The following RNF220 variants were observed in gnomAD, a reference collection of about 807,000 sequenced individuals.
RNF220 encodes the protein E3 ubiquitin-protein ligase RNF220.
Under a neutral mutation model 67.1 loss-of-function variants are expected in RNF220, and 7 were observed. That is an observed-to-expected ratio of 0.10 (90% CI 0.06 to 0.20). The LOEUF is 0.20. Among genes scored for constraint, RNF220 ranks in the 10% least tolerant of loss-of-function variants. RNF220 has a pLI of 1.00. For synonymous variants in RNF220, 270 were observed against 283.2 expected (o/e 0.95, Z 0.47); for missense variants, 565 against 740.3 (o/e 0.76, Z 2.75).
In RNF220 at chr1:44,636,053, G is replaced by A. The variant is rs1475892272; in HGVS notation, c.1017G>A (p.Glu339=). ...AGAGGGAAGGCTCCTGCATGGCTGA[G>A]GATGATGCTGTGGACATCGAGCATG... ...EGQREGSCMA[E]DDAVDIEHEN... The change falls in exon 8 of 15, where the codon GAG becomes GAA. Residue 339 remains glutamate, a synonymous_variant. Transcript: ENST00000361799. 2 of 1,614,260 alleles carry A rather than the reference G, an allele frequency of 1.2e-6. No individual in the cohort carries two copies. Among genetic ancestry groups the A allele is most frequent in the Admixed American group, 3.3e-5 (2 of 60,034 alleles).
Position 44,645,631 on chromosome 1 carries a change from T to A in RNF220, c.1445+143T>A. 1.3e-6 allele frequency: 1 copy of A among 763,854 alleles called. No individual in the cohort carries two copies. Among genetic ancestry groups the A allele is most frequent in the Non-Finnish European group, 2.2e-6 (1 of 461,190 alleles). 47.3% of individuals were successfully genotyped at this position (763,854 alleles called of 1,614,324 possible). A position where few individuals can be genotyped will look rare whatever the true frequency, so the allele number is the denominator to read the frequency against. Reference sequence around the variant, plus strand: ...GCTGCCCTGGGCACACGGCCGGCAGTGGAGCCCAGCTGGTGCTAAGCGTGA... The same window carrying A: ...GCTGCCCTGGGCACACGGCCGGCAGAGGAGCCCAGCTGGTGCTAAGCGTGA... On this transcript the variant is annotated intron_variant, in intron 12 of 14. Transcript: ENST00000361799. The surrounding 1 kb of genome is among the most constrained non-coding windows in gnomAD (Gnocchi z 5.0).
At chr1:44,496,264 G>C (rs536886618) in intron 2 of RNF220, among the ~76,000 whole-genome samples, 4 of 152,188 alleles carry the variant, frequency 2.6e-5, no homozygotes, top group South Asian at 4.1e-4. Flanking sequence ...AAATCCCAGT[G>C]AAGCTGGGGA....
At chr1:44,570,844 C>T (rs922390003) in intron 2 of RNF220, among the ~76,000 whole-genome samples, 4 of 152,114 alleles carry the variant, frequency 2.6e-5, no homozygotes, top group African/African-American at 7.2e-5. Context: ...AAGGTCAAGG[C>T]GGGTAGGTCA....
At chr1:44,434,790 A>G (rs1650785225) in intron 2 of RNF220, among the ~76,000 whole-genome samples, 2 of 151,300 alleles carry the variant, frequency 1.3e-5, no homozygotes, top group African/African-American at 4.9e-5. Context: ...GTAACAGAAG[A>G]CTTGTGAAAA....
At chr1:44,490,932 G>A (rs1311938343) in intron 2 of RNF220, among the ~76,000 whole-genome samples, 1 of 152,058 alleles carries the variant, frequency 6.6e-6, no homozygotes, top group Admixed American at 6.6e-5. Context: ...AATAAAAAAA[G>A]CATTATAAGA....
At chr1:44,557,164 C>T (rs1407208642) in intron 2 of RNF220, among the ~76,000 whole-genome samples, 1 of 143,988 alleles carries the variant, frequency 6.9e-6, no homozygotes, top group Non-Finnish European at 1.5e-5. Flanking sequence ...AATATATATA[C>T]ATATGTATAT....
chr1:44,622,798 AATTAC>A lies in RNF220; in HGVS notation c.804+14_804+18del, dbSNP rs750856737. The A allele has an allele frequency of 1.2e-6, 2 of 1,613,292 alleles. No homozygotes were observed. The highest frequency in any genetic ancestry group is 1.7e-5 in the Admixed American group (1 of 59,972). The stretch of plus-strand genomic sequence containing the variant: ...CCAGGCACCCCAAAGGTAGGTGGCC[AATTAC>A]ATGTTTTCCTCCTGCCCATACTAAC... On this transcript the variant is annotated intron_variant, in intron 4 of 14. Transcript: ENST00000361799. This position sits in a 1 kb window ranked among gnomAD's most constrained non-coding sequence, Gnocchi z 4.3.
intron 2 of RNF220, among the ~76,000 whole-genome samples, chr1:44,418,185 C>T (rs375268997): frequency 6.6e-6 from 1 of 151,862 alleles, no homozygotes; most frequent in African/African-American, 2.4e-5. Flanking sequence ...AGTGGGTGCA[C>T]GGGGCGTGAG....
Position 44,472,799 on chromosome 1 carries a change from A to G in RNF220, c.625+60077A>G, listed in dbSNP as rs147015644. On this transcript the variant is annotated intron_variant, in intron 2 of 14. Coordinates refer to ENST00000361799, the MANE Select transcript of RNF220 (RefSeq NM_018150.4). ...TTTTTTGTCAAACTAGTCTGCAACAATAGAGGATGTCAACCAAAGTTAAGG... is the reference window on the plus strand; with the variant it reads ...TTTTTTGTCAAACTAGTCTGCAACAGTAGAGGATGTCAACCAAAGTTAAGG... Among the ~76,000 whole-genome samples the G allele has an allele frequency of 4.1e-3, 630 of 152,290 alleles. 9 individuals carry two copies. Among genetic ancestry groups the G allele is most frequent in the African/African-American group, 0.014 (602 of 41,532 alleles).
At chr1:44,476,977 A>C (rs1439059852) in intron 2 of RNF220, among the ~76,000 whole-genome samples, 1 of 152,210 alleles carries the variant, frequency 6.6e-6, no homozygotes, top group Admixed American at 6.5e-5. Context: ...GTTTTGGCCA[A>C]ATTGGTTGGT....
rs539612817 is a variant in RNF220 at position 44,412,320 on chromosome 1, C to T, written c.223C>T (p.Arg75Trp). 4.3e-6 allele frequency: 7 copies of T among 1,614,194 alleles called. No homozygotes were observed. Among genetic ancestry groups the T allele is most frequent in the Non-Finnish European group, 5.1e-6 (6 of 1,180,022 alleles). The change falls in exon 2 of 15, where the codon CGG becomes TGG. Residue 75 changes from arginine (R) to tryptophan (W), a missense_variant. Transcript: ENST00000361799. The surrounding 1 kb of genome is among the most constrained non-coding windows in gnomAD (Gnocchi z 5.3). ...CTATACCTTTGCCTCTATGTACCAT[C>T]GGCAAGGTGGGGTGCCAGGCACTTT... ...GSYTFASMYHRQGGVPGTFAN... is the reference protein window; with the variant it reads ...GSYTFASMYHWQGGVPGTFAN...
At chr1:44,526,192 G>T (rs953158207) in intron 2 of RNF220, among the ~76,000 whole-genome samples, 1 of 152,166 alleles carries the variant, frequency 6.6e-6, no homozygotes, top group Non-Finnish European at 1.5e-5. Context: ...GGGGAGAAAA[G>T]CGCATAACCA....
intron 2 of RNF220, among the ~76,000 whole-genome samples, chr1:44,540,356 GA>G (rs569931521): frequency 4.6e-5 from 7 of 151,522 alleles, no homozygotes; most frequent in Non-Finnish European, 8.8e-5. Context: ...AAGGAAGAGA[GA>G]AAAAAAAATC....
chr1:44,613,713 CA>C (rs1557438374), intron 2 of RNF220, among the ~76,000 whole-genome samples: 1 of 152,042 alleles, frequency 6.6e-6, no homozygotes, highest in East Asian at 1.9e-4. Context: ...CCCATCTCTA[CA>C]AAAAATACAA....
In RNF220 at chr1:44,636,168, A is replaced by G. The variant is rs1381340141; in HGVS notation, c.1126+6A>G. 6.3e-7 allele frequency: 1 copy of G among 1,596,792 alleles called. No individual in the cohort carries two copies. Among genetic ancestry groups the G allele is most frequent in the Non-Finnish European group, 8.6e-7 (1 of 1,168,194 alleles). On this transcript the variant is annotated splice_donor_region_variant and intron_variant, in intron 8 of 14. Transcript: ENST00000361799. ...CCTGGAAGGTGGCTTCCGAGGTACA[A>G]GCAGCTGACACGTAGACATTGGCAC... is the stretch of plus-strand genomic sequence containing the variant.
At chr1:44,519,849 C>T (rs1015001617) in intron 2 of RNF220, among the ~76,000 whole-genome samples, 1 of 152,034 alleles carries the variant, frequency 6.6e-6, no homozygotes, top group Non-Finnish European at 1.5e-5. Context: ...TTGTTAAGAG[C>T]CTTGTCTGCC....
In RNF220 at chr1:44,622,317, G is replaced by T. The variant is rs555302650; in HGVS notation, c.759-425G>T. Among the ~76,000 whole-genome samples the T allele has an allele frequency of 7.9e-5, 12 of 152,348 alleles. No individual in the cohort carries two copies. In the East Asian group the frequency reaches 1.9e-3, roughly 24 times the overall value. ...CCTGGCCTAACACAGTTTGCAGCAT[G>T]TTGGAGGGAGAATTGACAAGAGCCC... is the stretch of plus-strand genomic sequence containing the variant. On this transcript the variant is annotated intron_variant, in intron 3 of 14. Transcript: ENST00000361799. The surrounding 1 kb of genome is among the most constrained non-coding windows in gnomAD (Gnocchi z 4.3).
At chr1:44,592,238 C>A (rs1239729192) in intron 2 of RNF220, among the ~76,000 whole-genome samples, 2 of 152,228 alleles carry the variant, frequency 1.3e-5, no homozygotes, top group Non-Finnish European at 2.9e-5. Context: ...CCACTCTGTG[C>A]TTAGAACCAA....
rs532905172 is a variant in RNF220 at position 44,491,428 on chromosome 1, A to C, written c.625+78706A>C. On this transcript the variant is annotated intron_variant, in intron 2 of 14. Coordinates refer to ENST00000361799, the MANE Select transcript of RNF220 (RefSeq NM_018150.4). Reference sequence around the variant, plus strand: ...ACGTGGGATTAACTCCAGGAGTGCAAAGTTGGTGTAAGATACAAAATAAAT... The same window carrying C: ...ACGTGGGATTAACTCCAGGAGTGCACAGTTGGTGTAAGATACAAAATAAAT... 2.0e-5 allele frequency among the ~76,000 whole-genome samples: 3 copies of C among 152,272 alleles called. No homozygotes were observed. In the South Asian group the frequency reaches 6.2e-4, roughly 32 times the overall value.
Sources: gnomAD v4.1 joint callset for allele counts (sites outside exome capture counted in the v4.1 genomes callset) on GRCh38, gnomAD v4.1.1 for gene constraint, Gnocchi (gnomAD v3.1) non-coding constraint, MANE v1.5 for transcripts, NCBI Gene and HGNC (gene_info 2026-07-23, HGNC 2026-07-21) for gene names.